NLGN1: variants seen among roughly 807,000 people sequenced by gnomAD.
The protein encoded by NLGN1 is neuroligin 1, also known as neuroligin-1.
Under a neutral mutation model 65.5 loss-of-function variants are expected in NLGN1, and 12 were observed. That is an observed-to-expected ratio of 0.18 (90% CI 0.12 to 0.30). The LOEUF is 0.30. Ranked by LOEUF, NLGN1 falls within the 10% of genes least tolerant of loss-of-function variation. The pLI is 1.00. For synonymous variants in NLGN1, 350 were observed against 359.5 expected (o/e 0.97, Z 0.30); for missense variants, 750 against 1,007.1 (o/e 0.74, Z 3.46).
At chr3:173,832,205 T>G (rs1342660051) in intron 4 of NLGN1, among the ~76,000 whole-genome samples, 1 of 151,910 alleles carries the variant, frequency 6.6e-6, no homozygotes, top group Non-Finnish European at 1.5e-5. Flanking sequence ...CTCAAGCAGT[T>G]CTCCCACCTT....
intron 4 of NLGN1, among the ~76,000 whole-genome samples, chr3:173,970,236 A>C (rs1715898981): frequency 1.3e-5 from 2 of 152,166 alleles, no homozygotes; most frequent in Non-Finnish European, 2.9e-5. Flanking sequence ...GCATTTGTTT[A>C]GTGGAGGGTG....
At chr3:173,470,206 G>A (rs1225008454) in intron 2 of NLGN1, among the ~76,000 whole-genome samples, 1 of 151,974 alleles carries the variant, frequency 6.6e-6, no homozygotes, top group Non-Finnish European at 1.5e-5. Context: ...TAACTGCTTT[G>A]CAAGGGCATT....
chr3:173,604,560 C>T (rs1190907769), exon 3 of NLGN1: 1 of 1,601,018 alleles, frequency 6.2e-7, no homozygotes, highest in Non-Finnish European at 8.5e-7. Context: ...ATACGTTTGC[C>T]TCACTGTAAC....
chr3:173,521,923 C>A (rs1038646417), intron 2 of NLGN1, among the ~76,000 whole-genome samples: 4 of 152,106 alleles, frequency 2.6e-5, no homozygotes, highest in African/African-American at 9.7e-5. Flanking sequence ...ACATTCTATG[C>A]ATTTTCTTAA....
At chr3:174,265,623 CAGA>C (rs1747941063) in intron 4 of NLGN1, among the ~76,000 whole-genome samples, 1 of 151,880 alleles carries the variant, frequency 6.6e-6, no homozygotes, top group Non-Finnish European at 1.5e-5. Flanking sequence ...GATGGAAATG[CAGA>C]AATCACCCGT....
Position 173,450,289 on chromosome 3 carries a change from C to G in NLGN1, c.-321+15211C>G, listed in dbSNP as rs1244953402. Among the ~76,000 whole-genome samples, 4 of 152,088 alleles carry G rather than the reference C, an allele frequency of 2.6e-5. No individual in the cohort carries two copies. In the East Asian group the frequency reaches 7.7e-4, roughly 29 times the overall value. On this transcript the variant is annotated intron_variant, in intron 2 of 6. Coordinates refer to ENST00000457714, the Ensembl canonical transcript of NLGN1. Reference sequence around the variant, plus strand: ...ACAAAATCTCTCAGCATTTGCTTGTCTGTAAAGTATTTTATTTCTCCTTCA... The same window carrying G: ...ACAAAATCTCTCAGCATTTGCTTGTGTGTAAAGTATTTTATTTCTCCTTCA...
chr3:173,906,446 G>T (rs1298635622), intron 4 of NLGN1, among the ~76,000 whole-genome samples: 1 of 152,004 alleles, frequency 6.6e-6, no homozygotes, highest in Non-Finnish European at 1.5e-5. Context: ...CCTACTTTGG[G>T]ATAGTCTCTA....
chr3:173,681,133 C>A (rs1165553719), intron 3 of NLGN1, among the ~76,000 whole-genome samples: 6 of 152,130 alleles, frequency 3.9e-5, no homozygotes, highest in Non-Finnish European at 8.8e-5. Flanking sequence ...TGAGTCTACT[C>A]TCTTCAAAAG....
At position 173,840,945 on chromosome 3, in the gene NLGN1, A is replaced by G. The variant is rs116745826; in HGVS notation, c.646+33113A>G. On this transcript the variant is annotated intron_variant, in intron 4 of 6. Transcript: ENST00000457714. ...CACAACTTAACTTCAGCTTACCTGT[A>G]CAACCTCATTTCTTCCAGAATCCCT... Among the ~76,000 whole-genome samples the G allele has an allele frequency of 7.2e-3, 1,093 of 152,300 alleles. 18 individuals are homozygous for G. The highest frequency in any genetic ancestry group is 0.024 in the African/African-American group (988 of 41,578).
At chr3:174,200,171 T>C (rs1488493750) in intron 4 of NLGN1, among the ~76,000 whole-genome samples, 4 of 152,234 alleles carry the variant, frequency 2.6e-5, no homozygotes, top group Non-Finnish European at 5.9e-5. Context: ...CTTAATCTCC[T>C]GTTTCCTCAT....
rs566048186 is a variant in NLGN1 at position 174,236,996 on chromosome 3, A to G, written c.647-38319A>G. Among the ~76,000 whole-genome samples the G allele has an allele frequency of 4.6e-5, 7 of 152,242 alleles. No individual in the cohort carries two copies. The East Asian group carries it at 1.3e-3, about 29-fold the overall frequency. ...ACTATTTATTGAGCACCTATTATAT[A>G]CTAGAAAATATTCTAGGCAGTTGAG... On this transcript the variant is annotated intron_variant, in intron 4 of 6. Coordinates refer to ENST00000457714, the Ensembl canonical transcript of NLGN1.
At chr3:173,925,518 G>A (rs1311804232) in intron 4 of NLGN1, among the ~76,000 whole-genome samples, 1 of 152,130 alleles carries the variant, frequency 6.6e-6, no homozygotes, top group Non-Finnish European at 1.5e-5. Context: ...TTGCCCAGAT[G>A]TTTTCTTTAC....
intron 3 of NLGN1, among the ~76,000 whole-genome samples, chr3:173,776,221 A>T (rs1367227214): frequency 1.3e-5 from 2 of 152,038 alleles, no homozygotes; most frequent in Non-Finnish European, 2.9e-5. Flanking sequence ...TTTATTAGAA[A>T]TTGTAATGTT....
At chr3:173,516,646 A>G (rs1733864138) in intron 2 of NLGN1, among the ~76,000 whole-genome samples, 1 of 152,104 alleles carries the variant, frequency 6.6e-6, no homozygotes, top group South Asian at 2.1e-4. Flanking sequence ...ATCATTGCCT[A>G]GAAAACAAAG....
intron 4 of NLGN1, among the ~76,000 whole-genome samples, chr3:174,190,648 A>G: frequency 6.6e-6 from 1 of 152,190 alleles, no homozygotes; most frequent in Admixed American, 6.6e-5. Context: ...TTACTATATT[A>G]ACATATGCAT....
At chr3:173,692,610 T>TATAACATACTACTTTA (rs1765632593) in intron 3 of NLGN1, among the ~76,000 whole-genome samples, 1 of 152,060 alleles carries the variant, frequency 6.6e-6, no homozygotes, top group Non-Finnish European at 1.5e-5. Flanking sequence ...ACTACTTTAG[T>TATAACATACTACTTTA]GTTTATATTG....
In NLGN1 at chr3:173,561,770, A is replaced by G. The variant is rs1034617930; in HGVS notation, c.-320-42509A>G. ...GTCCATATACCATATCAAGCATTAA[A>G]TTTGATACTGTGAAGAATACAGAGA... On this transcript the variant is annotated intron_variant, in intron 2 of 6. Coordinates refer to ENST00000457714, the Ensembl canonical transcript of NLGN1. 6.6e-5 allele frequency among the ~76,000 whole-genome samples: 10 copies of G among 152,212 alleles called. 1 individual carries two copies. Among genetic ancestry groups the G allele is most frequent in the Admixed American group, 2.0e-4 (3 of 15,282 alleles).
At chr3:173,524,704 C>T (rs1408961566) in intron 2 of NLGN1, among the ~76,000 whole-genome samples, 1 of 152,090 alleles carries the variant, frequency 6.6e-6, no homozygotes, top group East Asian at 1.9e-4. Flanking sequence ...GTGGGTTTTT[C>T]ATATATGGTT....
At chr3:173,584,261 G>A (rs1367651141) in intron 2 of NLGN1, among the ~76,000 whole-genome samples, 1 of 149,492 alleles carries the variant, frequency 6.7e-6, no homozygotes, top group African/African-American at 2.5e-5. Flanking sequence ...AAAAAAAAAG[G>A]TGAGGAGAGG....
Sources: allele counts gnomAD v4.1 joint callset (sites outside exome capture counted in the v4.1 genomes callset), GRCh38; gene constraint gnomAD v4.1.1; transcripts MANE v1.5; gene names NCBI Gene and HGNC (gene_info 2026-07-23, HGNC 2026-07-21).